Variants in NDUFS6 observed in about 807,000 individuals in gnomAD.
NDUFS6 encodes the protein NADH:ubiquinone oxidoreductase subunit S6, also known as NADH dehydrogenase [ubiquinone] iron-sulfur protein 6, mitochondrial.
In NDUFS6, 14 loss-of-function variants were observed where a neutral mutation model predicts 13.2. The observed-to-expected ratio is 1.06, with a 90% CI of 0.70 to 1.66. The LOEUF is 1.66. Among genes scored for constraint, NDUFS6 ranks in the 40% most tolerant of loss-of-function variants. The pLI, the probability that NDUFS6 is intolerant of heterozygous loss-of-function variation, is 0.00. For missense variants in NDUFS6, 206 were observed against 170.8 expected, an observed-to-expected ratio of 1.21 and a Z score of -1.15; for synonymous variants, 95 against 72.3, an observed-to-expected ratio of 1.31 and a Z score of -1.60.
rs1339635191 is a variant in NDUFS6, at chr5:1,814,572, G to C, written c.309+111G>C. 1 of 1,522,544 alleles carries C rather than the reference G, an allele frequency of 6.6e-7. No individual in the cohort carries two copies. Among genetic ancestry groups the C allele is most frequent in the South Asian group, 1.2e-5 (1 of 85,896 alleles). The allele number at this position is 1,522,544 out of a possible 1,614,324, so 94.3% of individuals were successfully genotyped here. A position where few individuals can be genotyped will look rare whatever the true frequency, so the allele number is the denominator to read the frequency against. On this transcript the variant is annotated intron_variant, in intron 3 of 3. Coordinates refer to ENST00000274137, the MANE Select transcript of NDUFS6 (RefSeq NM_004553.6). The surrounding 1 kb of genome is among the most constrained non-coding windows in gnomAD (Gnocchi z 4.9). ...CCTCTTCTCTACCTGCTCCCGAGGC[G>C]GCCCTTACGGGGTTCACACTGCTGG... is the stretch of plus-strand genomic sequence containing the variant.
chr5:1,814,607 C>A lies in NDUFS6; in HGVS notation c.309+146C>A. 1 of 1,229,898 alleles carries A rather than the reference C, an allele frequency of 8.1e-7. No individual in the cohort carries two copies. Among genetic ancestry groups the A allele is most frequent in the Non-Finnish European group, 1.2e-6 (1 of 863,534 alleles). The allele number at this position is 1,229,898 out of a possible 1,614,324, so 76.2% of individuals were successfully genotyped here. On this transcript the variant is annotated intron_variant, in intron 3 of 3. Coordinates refer to ENST00000274137, the MANE Select transcript of NDUFS6 (RefSeq NM_004553.6). This position sits in a 1 kb window ranked among gnomAD's most constrained non-coding sequence, Gnocchi z 4.9. ...GGGTTCACACTGCTGGCACATTCACCCTACAGCGCCACACTACAGGGCCTA... is the reference window on the plus strand; with the variant it reads ...GGGTTCACACTGCTGGCACATTCACACTACAGCGCCACACTACAGGGCCTA...
At chr5:1,807,106 C>G (rs1286565017) in intron 2 of NDUFS6, among the ~76,000 whole-genome samples, 1 of 152,176 alleles carries the variant, frequency 6.6e-6, no homozygotes, top group East Asian at 1.9e-4. Context: ...CTTAGAAGTA[C>G]TGTATGAGGT....
chr5:1,813,039 G>A lies in NDUFS6; in HGVS notation c.187-1300G>A, dbSNP rs112251164. Among the ~76,000 whole-genome samples, 27 of 151,824 alleles carry A rather than the reference G, an allele frequency of 1.8e-4. 1 individual carries two copies. The South Asian group carries it at 5.4e-3, about 30-fold the overall frequency. On this transcript the variant is annotated intron_variant, in intron 2 of 3. Transcript: ENST00000274137. ...TGCATTCCAGCCTGGGCGACAGAGT[G>A]AGACTCTGTCTCAAAAAAAGAAAAG...
At position 1,802,548 on chromosome 5, in the gene NDUFS6, C is replaced by T. The variant is rs1473374936; in HGVS notation, c.186+174C>T. On this transcript the variant is annotated intron_variant, in intron 2 of 3. Transcript: ENST00000274137. The stretch of plus-strand genomic sequence containing the variant: ...AAATCTTAATTGTGTCTATTTCTGA[C>T]TTGTTTCCCCCTGAAATACATAACA... Among the ~76,000 whole-genome samples the T allele has an allele frequency of 5.9e-5, 9 of 152,296 alleles. No individual in the cohort carries two copies. The East Asian group carries it at 9.6e-4, about 16-fold the overall frequency.
In NDUFS6 at chr5:1,814,485, C is replaced by T. The variant is rs1554019126; in HGVS notation, c.309+24C>T. On this transcript the variant is annotated intron_variant, in intron 3 of 3. Coordinates refer to ENST00000274137, the MANE Select transcript of NDUFS6 (RefSeq NM_004553.6). This position sits in a 1 kb window ranked among gnomAD's most constrained non-coding sequence, Gnocchi z 4.9. ...TGGTGCGTAGCTGGCCACCTGTGCACATGTTAGGGCAGCCTGCTCGTCCTC... is the reference window on the plus strand; with the variant it reads ...TGGTGCGTAGCTGGCCACCTGTGCATATGTTAGGGCAGCCTGCTCGTCCTC... 6.2e-7 allele frequency: 1 copy of T among 1,614,154 alleles called. No individual in the cohort carries two copies. Among genetic ancestry groups the T allele is most frequent in the Non-Finnish European group, 8.5e-7 (1 of 1,180,030 alleles).
At chr5:1,815,644 A>T (rs1002448951) in intron 3 of NDUFS6, among the ~76,000 whole-genome samples, 1 of 152,122 alleles carries the variant, frequency 6.6e-6, no homozygotes, top group Non-Finnish European at 1.5e-5. Context: ...GTCCTAGGGG[A>T]TGGCTGCGTA....
At chr5:1,812,217 G>T (rs1442024810) in intron 2 of NDUFS6, among the ~76,000 whole-genome samples, 1 of 152,040 alleles carries the variant, frequency 6.6e-6, no homozygotes, top group Non-Finnish European at 1.5e-5. Context: ...TCTTCTACCA[G>T]GAGCCCGCTC....
Position 1,814,699 on chromosome 5 carries a change from G to C in NDUFS6, c.309+238G>C, listed in dbSNP as rs184562482. 18 of 728,960 alleles carry C rather than the reference G, an allele frequency of 2.5e-5. No homozygotes were observed. Among genetic ancestry groups the C allele is most frequent in the Non-Finnish European group, 4.2e-5 (17 of 409,398 alleles). 45.2% of individuals were successfully genotyped at this position (728,960 alleles called of 1,614,324 possible). ...TGGTGGGCGGCATGTTTCTCTTCTC[G>C]GACGCCCAAGCGTCTTTCCTCTCTG... On this transcript the variant is annotated intron_variant, in intron 3 of 3. Transcript: ENST00000274137. This position sits in a 1 kb window ranked among gnomAD's most constrained non-coding sequence, Gnocchi z 4.9.
At chr5:1,815,758 A>G in intron 3 of NDUFS6, 93 bp from the exon 4 acceptor site, 2 of 1,285,478 alleles carry the variant, frequency 1.6e-6, no homozygotes, top group East Asian at 2.3e-5. Context: ...TGTTTCTGAC[A>G]GTCTAAGTTT....
At chr5:1,805,204 G>A (rs1456632558) in intron 2 of NDUFS6, among the ~76,000 whole-genome samples, 6 of 152,290 alleles carry the variant, frequency 3.9e-5, no homozygotes, top group African/African-American at 9.6e-5. Flanking sequence ...GGTGGCACAT[G>A]CCTGTAGCTC....
At chr5:1,815,571 G>T (rs752394491) in intron 3 of NDUFS6, among the ~76,000 whole-genome samples, 4 of 152,190 alleles carry the variant, frequency 2.6e-5, no homozygotes, top group Non-Finnish European at 5.9e-5. Context: ...CCCACCGCCT[G>T]CTCCAGGCCG....
rs1180228269 is a variant in NDUFS6 at position 1,801,580 on chromosome 5, C to T, written c.132+31C>T. On this transcript the variant is annotated intron_variant, in intron 1 of 3. Transcript: ENST00000274137. ...GGCCGCTGGGTACAGGATGCACCTT[C>T]CTCCAGCCGCACCTCGGGCGACTGG... 15 of 1,547,824 alleles carry T rather than the reference C, an allele frequency of 9.7e-6. No homozygotes were observed. The Admixed American group carries it at 1.7e-4, about 18-fold the overall frequency.
chr5:1,802,460 T>C, intron 2 of NDUFS6, 86 bp downstream of exon 2: 1 of 1,147,704 alleles, frequency 8.7e-7, no homozygotes, highest in Non-Finnish European at 1.3e-6. Flanking sequence ...ATATAAGATT[T>C]AAATAAATTT....
chr5:1,815,924 G>C lies in NDUFS6; in HGVS notation c.*8G>C. ...AGACAGCACCACCACTAGAGCGTGT[G>C]GCACGCCGGGGGTCCCGCAGCATCC... On this transcript the variant is annotated 3_prime_UTR_variant, in exon 4 of 4. Transcript: ENST00000274137. The C allele has an allele frequency of 6.2e-7, 1 of 1,614,200 alleles. No homozygotes were observed. The highest frequency in any genetic ancestry group is 8.5e-7 in the Non-Finnish European group (1 of 1,180,004).
rs745418898 is a variant in NDUFS6 at position 1,815,964 on chromosome 5, C to G, written c.*48C>G. On this transcript the variant is annotated 3_prime_UTR_variant, in exon 4 of 4. Coordinates refer to ENST00000274137, the MANE Select transcript of NDUFS6 (RefSeq NM_004553.6). ...CCGCAGCATCCTGTGAGCATTTCCGCGGGGAAGCTGAGCACGTGAAGCTCG... is the reference window on the plus strand; with the variant it reads ...CCGCAGCATCCTGTGAGCATTTCCGGGGGGAAGCTGAGCACGTGAAGCTCG... The G allele has an allele frequency of 6.2e-7, 1 of 1,601,196 alleles. No homozygotes were observed. The highest frequency in any genetic ancestry group is 1.7e-5 in the Admixed American group (1 of 60,002).
rs1734038684 is a variant in NDUFS6 at position 1,801,479 on chromosome 5, T to C, written c.62T>C (p.Leu21Pro). ...CGGTGTGGCGAGGCGGCGCGGAGCC[T>C]GCCCCTGGGCGCCAGGTGTTTCGGG... Reference protein sequence around the residue: ...LNRCGEAARSLPLGARCFGVR... With the variant: ...LNRCGEAARSPPLGARCFGVR... Residue 21 changes from leucine (L) to proline (P), a missense_variant, in exon 1 of 4, where the codon CTG becomes CCG. Leu to Pro is a moderately conservative substitution (Grantham distance 98). Coordinates refer to ENST00000274137, the MANE Select transcript of NDUFS6 (RefSeq NM_004553.6). 1 of 1,603,590 alleles carries C rather than the reference T, an allele frequency of 6.2e-7. No homozygotes were observed. Among genetic ancestry groups the C allele is most frequent in the Non-Finnish European group, 8.5e-7 (1 of 1,178,798 alleles).
intron 1 of NDUFS6, chr5:1,802,053 C>T (rs1309569742): frequency 4.1e-6 from 2 of 487,622 alleles, no homozygotes; most frequent in Admixed American, 7.4e-5. Context: ...GGCGGTTCTC[C>T]TCGGTCAGGA....
intron 1 of NDUFS6, chr5:1,802,027 G>T (rs1734053561): frequency 4.4e-6 from 2 of 459,304 alleles, no homozygotes. Flanking sequence ...CAGGCCATAT[G>T]CCAAAGAAGG....
intron 1 of NDUFS6, 145 bp downstream of exon 1, chr5:1,801,694 G>GGAGGACGCCCGC: frequency 7.7e-7 from 1 of 1,291,248 alleles, no homozygotes; most frequent in Non-Finnish European, 1.0e-6. Context: ...CACGCGCCGG[G>GGAGGACGCCCGC]GAGGACGCCC....
Sources: gnomAD v4.1 joint callset for allele counts (sites outside exome capture counted in the v4.1 genomes callset) on GRCh38, gnomAD v4.1.1 for gene constraint, Gnocchi (gnomAD v3.1) non-coding constraint, MANE v1.5 for transcripts, NCBI Gene and HGNC (gene_info 2026-07-23, HGNC 2026-07-21) for gene names.